CDH18: variants seen among roughly 807,000 people sequenced by gnomAD.
CDH18 encodes the protein cadherin 18, also known as cadherin-18.
In CDH18, 31 loss-of-function variants were observed where a neutral mutation model predicts 67.9. The ratio of observed to expected loss-of-function variants is 0.46; its 90% confidence interval spans 0.34 to 0.62. The LOEUF (loss-of-function observed/expected upper bound fraction) is 0.62. Ranked by LOEUF, CDH18 falls within the 20% of genes least tolerant of loss-of-function variation. The pLI, the probability that CDH18 is intolerant of heterozygous loss-of-function variation, is 0.01. For synonymous variants in CDH18, 362 were observed against 347.2 expected (o/e 1.04, Z -0.48); for missense variants, 890 against 975.5 (o/e 0.91, Z 1.17).
chr5:19,490,712 C>T (rs1446311191), intron 11 of CDH18, among the ~76,000 whole-genome samples: 1 of 151,894 alleles, frequency 6.6e-6, no homozygotes, highest in Non-Finnish European at 1.5e-5. Flanking sequence ...TGCGCCCAGC[C>T]AAAATTAGCA....
chr5:19,767,411 G>A (rs1773231356), intron 3 of CDH18, among the ~76,000 whole-genome samples: 1 of 151,766 alleles, frequency 6.6e-6, no homozygotes. Flanking sequence ...ACGTCATGAA[G>A]GAAATAAGCA....
intron 2 of CDH18, among the ~76,000 whole-genome samples, chr5:19,902,592 A>G (rs1790059549): frequency 1.3e-5 from 2 of 151,490 alleles, no homozygotes; most frequent in African/African-American, 4.9e-5. Flanking sequence ...ACTCCAGCCA[A>G]CGGCAATCTT....
At chr5:20,304,823 T>C (rs868507836) in intron 1 of CDH18, 9 of 1,611,556 alleles carry the variant, frequency 5.6e-6, no homozygotes, top group African/African-American at 1.3e-5. Context: ...TTAGATTCAC[T>C]TTCAGAATTC....
intron 5 of CDH18, among the ~76,000 whole-genome samples, chr5:19,648,580 A>C (rs528604065): frequency 6.6e-6 from 1 of 150,972 alleles, no homozygotes; most frequent in Non-Finnish European, 1.5e-5. Flanking sequence ...AATTAATTCT[A>C]TCTCTTTTTT....
chr5:20,555,408 CTTTTTTTTTTTTTTTT>C (rs774396694), intron 1 of CDH18, among the ~76,000 whole-genome samples: 100 of 103,612 alleles, frequency 9.7e-4, no homozygotes, highest in African/African-American at 2.3e-3. Context: ...ACAAGCTTTT[CTTTTTTTTTTTTTTTT>C]TTTTTTTTTT....
At chr5:20,281,792 A>T (rs1225624335) in intron 1 of CDH18, among the ~76,000 whole-genome samples, 12 of 152,104 alleles carry the variant, frequency 7.9e-5, no homozygotes, top group Non-Finnish European at 1.8e-4. Flanking sequence ...GAATCTATAA[A>T]TTACCTTGGG....
intron 2 of CDH18, among the ~76,000 whole-genome samples, chr5:19,903,154 C>T (rs906594737): frequency 6.6e-6 from 1 of 151,742 alleles, no homozygotes; most frequent in Non-Finnish European, 1.5e-5. Context: ...ACTATAAATC[C>T]AGTCATATAA....
chr5:19,651,929 A>G (rs965542669), intron 5 of CDH18, among the ~76,000 whole-genome samples: 2 of 152,060 alleles, frequency 1.3e-5, no homozygotes, highest in African/African-American at 4.8e-5. Context: ...TAAAAGAAAA[A>G]TATACCATAT....
At position 20,191,745 on chromosome 5, in the gene CDH18, T is replaced by C. The variant is rs565791433; in HGVS notation, c.-518+63699A>G. Among the ~76,000 whole-genome samples the C allele has an allele frequency of 1.8e-4, 27 of 152,268 alleles. 1 individual carries two copies. The highest frequency in any genetic ancestry group is 1.8e-3 in the Admixed American group (27 of 15,280). The stretch of plus-strand genomic sequence containing the variant: ...GATATATATGTACCTCATTTTCTTT[T>C]TCCAGTCTATCATTGATGGACATTT... On this transcript the variant is annotated intron_variant, in intron 2 of 14. Coordinates refer to the CDH18 transcript ENST00000507958.
chr5:19,801,460 G>A (rs1777462795), intron 3 of CDH18, among the ~76,000 whole-genome samples: 1 of 152,116 alleles, frequency 6.6e-6, no homozygotes, highest in Non-Finnish European at 1.5e-5. Flanking sequence ...TATCAATTCA[G>A]TATAATTTCA....
chr5:19,783,140 T>A (rs1775320432), intron 3 of CDH18, among the ~76,000 whole-genome samples: 1 of 152,158 alleles, frequency 6.6e-6, no homozygotes, highest in African/African-American at 2.4e-5. Context: ...TGATAAAGCC[T>A]TTTTGCTGGT....
chr5:19,619,526 T>C (rs1483979098), intron 5 of CDH18, among the ~76,000 whole-genome samples: 1 of 152,136 alleles, frequency 6.6e-6, no homozygotes, highest in East Asian at 1.9e-4. Context: ...GGGTCTGGAA[T>C]ATGCATGGCA....
chr5:20,479,711 G>T (rs1043125737), intron 1 of CDH18, among the ~76,000 whole-genome samples: 1 of 151,976 alleles, frequency 6.6e-6, no homozygotes, highest in African/African-American at 2.4e-5. Flanking sequence ...GAGAGACGGG[G>T]GTAGAAAGTT....
At chr5:19,869,778 T>A (rs553863103) in intron 2 of CDH18, among the ~76,000 whole-genome samples, 1 of 152,182 alleles carries the variant, frequency 6.6e-6, no homozygotes, top group East Asian at 1.9e-4. Context: ...AGCTAATGAG[T>A]AGTTCCGTTT....
intron 6 of CDH18, among the ~76,000 whole-genome samples, chr5:19,598,010 T>C (rs1421269363): frequency 6.6e-6 from 1 of 152,180 alleles, no homozygotes; most frequent in Non-Finnish European, 1.5e-5. Flanking sequence ...TAACCTTATA[T>C]TTTTCTAATT....
chr5:20,150,425 G>T (rs544077766), intron 2 of CDH18, among the ~76,000 whole-genome samples: 2 of 152,072 alleles, frequency 1.3e-5, no homozygotes, highest in South Asian at 4.1e-4. Context: ...AAGTAGAGAT[G>T]CCTATGAAGT....
chr5:20,517,801 G>A (rs1429166185), intron 1 of CDH18, among the ~76,000 whole-genome samples: 2 of 152,072 alleles, frequency 1.3e-5, no homozygotes, highest in East Asian at 3.9e-4. Context: ...AGCATACCAT[G>A]TAGACTTCAA....
intron 2 of CDH18, among the ~76,000 whole-genome samples, chr5:20,036,042 A>C (rs934307811): frequency 6.6e-6 from 1 of 152,134 alleles, no homozygotes; most frequent in South Asian, 2.1e-4. Flanking sequence ...GTCAATACTC[A>C]CAACAGTATA....
intron 3 of CDH18, among the ~76,000 whole-genome samples, chr5:19,834,886 G>A (rs1027489985): frequency 3.3e-5 from 5 of 151,934 alleles, no homozygotes; most frequent in African/African-American, 1.2e-4. Context: ...TGCTGGCAAG[G>A]CCCCAGAGAA....
Sources: allele counts gnomAD v4.1 joint callset (sites outside exome capture counted in the v4.1 genomes callset), GRCh38; gene constraint gnomAD v4.1.1; transcripts MANE v1.5; gene names NCBI Gene and HGNC (gene_info 2026-07-23, HGNC 2026-07-21).